Variants in TTC21B observed in about 807,000 individuals in gnomAD.
TTC21B encodes tetratricopeptide repeat domain 21B.
TTC21B carries 127 observed loss-of-function variants against 175.1 expected under a neutral mutation model. The ratio of observed to expected loss-of-function variants is 0.73; its 90% CI spans 0.63 to 0.84. The LOEUF (loss-of-function observed/expected upper bound fraction) is 0.84, where lower values mean the gene tolerates loss of function less well. Ranked by LOEUF, TTC21B falls within the 40% of genes least tolerant of loss-of-function variation. The pLI is 0.00. For synonymous variants in TTC21B, 524 were observed against 524.5 expected (o/e 1.00, Z 0.01); for missense variants, 1,561 against 1,558.3 (o/e 1.00, Z -0.03).
intron 12 of TTC21B, among the ~76,000 whole-genome samples, chr2:165,924,321 T>C (rs1686537555): frequency 1.3e-5 from 2 of 152,184 alleles, no homozygotes; most frequent in South Asian, 4.1e-4. Flanking sequence ...GTGGTATAAC[T>C]GCATTTTCCC....
At position 165,917,130 on chromosome 2, in the gene TTC21B, C is replaced by T. The variant is rs775058504; in HGVS notation, c.1899+127G>A. ...CTGACCTCAGATGATCCATCTGCCT[C>T]GGCCTCCCAAAGTGCTGGGATTACA... is the stretch of plus-strand genomic sequence containing the variant. On this transcript the variant is annotated intron_variant, in intron 14 of 28. Coordinates refer to ENST00000243344, the MANE Select transcript of TTC21B (RefSeq NM_024753.5). 2.7e-5 allele frequency: 23 copies of T among 838,124 alleles called. No homozygotes were observed. In the East Asian group the frequency reaches 3.5e-4, roughly 13 times the overall value. The allele number at this position is 838,124 out of a possible 1,614,324, so 51.9% of individuals were successfully genotyped here.
Position 165,941,105 on chromosome 2 carries a change from A to C in TTC21B, c.632T>G (p.Phe211Cys). Reference protein sequence around the residue: ...VNQIIVNFPSFLPAFVKKMKL... With the variant: ...VNQIIVNFPSCLPAFVKKMKL... ...CATTTTCTTAACAAAAGCAGGAAGG[A>C]AGCTCGGAAAATTCACGATTATCTG... is the stretch of plus-strand genomic sequence containing the variant. The change falls in exon 6 of 29, where the codon TTC becomes TGC. Residue 211 changes from phenylalanine (F) to cysteine (C), a missense_variant. Transcript: ENST00000243344. The C allele has an allele frequency of 1.2e-6, 2 of 1,613,954 alleles. No homozygotes were observed. The highest frequency in any genetic ancestry group is 1.1e-5 in the South Asian group (1 of 91,080).
chr2:165,913,575 T>C lies in TTC21B; in HGVS notation c.2210A>G (p.Glu737Gly). 1 of 1,608,806 alleles carries C rather than the reference T, an allele frequency of 6.2e-7. No individual in the cohort carries two copies. Among genetic ancestry groups the C allele is most frequent in the Non-Finnish European group, 8.5e-7 (1 of 1,175,570 alleles). ...GTTCAGTAACATCAGAAATTTTACC[T>C]CTAGAATATTCATGTATGCATCACC... ...LLGDAYMNIL[E>G]PEEAIVAYEQ... Residue 737 changes from glutamate (E) to glycine (G), a missense_variant and splice_region_variant, in exon 16 of 29, where the codon GAG becomes GGG. Physicochemically the swap from Glu to Gly is moderately conservative, Grantham distance 98. Transcript: ENST00000243344.
At chr2:165,931,293 T>C (rs1031182798) in intron 8 of TTC21B, among the ~76,000 whole-genome samples, 1 of 152,190 alleles carries the variant, frequency 6.6e-6, no homozygotes, top group African/African-American at 2.4e-5. Flanking sequence ...TGTATTTTTC[T>C]ATTTCATTCT....
At chr2:165,923,399 T>C (rs1574109975) in intron 12 of TTC21B, among the ~76,000 whole-genome samples, 1 of 152,144 alleles carries the variant, frequency 6.6e-6, no homozygotes, top group Admixed American at 6.5e-5. Flanking sequence ...TTTTATAGCA[T>C]TCAGTTGGCA....
intron 27 of TTC21B, chr2:165,880,008 G>C (rs537446956): frequency 3.3e-5 from 5 of 153,046 alleles, no homozygotes; most frequent in African/African-American, 1.2e-4. Context: ...CCGGAAAACA[G>C]ACTTGGGCAG....
chr2:165,949,506 T>G lies in TTC21B; in HGVS notation c.152-2A>C. ...CTCGAAGAGCTTCTTGAGTTTTACC[T>G]GAAAATCAAGATTATGATATGAAAA... On this transcript the variant is annotated splice_acceptor_variant, in intron 2 of 28. Coordinates refer to ENST00000243344, the MANE Select transcript of TTC21B (RefSeq NM_024753.5). LOFTEE classifies it high-confidence loss of function. 6.2e-7 allele frequency: 1 copy of G among 1,613,648 alleles called. No homozygotes were observed. Among genetic ancestry groups the G allele is most frequent in the South Asian group, 1.1e-5 (1 of 91,070 alleles).
chr2:165,881,711 T>C (rs749410641), intron 26 of TTC21B, among the ~76,000 whole-genome samples: 74 of 152,168 alleles, frequency 4.9e-4, no homozygotes, highest in Non-Finnish European at 8.4e-4. Context: ...AGTGCTATGA[T>C]AAGCCACACT....
chr2:165,896,310 C>T (rs1375506964), intron 22 of TTC21B, among the ~76,000 whole-genome samples: 2 of 152,098 alleles, frequency 1.3e-5, no homozygotes, highest in African/African-American at 4.8e-5. Context: ...CTCCCTCCAT[C>T]CCTGCTTCCC....
chr2:165,899,770 C>T lies in TTC21B; in HGVS notation c.2868G>A (p.Met956Ile). The T allele has an allele frequency of 6.2e-7, 1 of 1,605,594 alleles. No homozygotes were observed. Among genetic ancestry groups the T allele is most frequent in the Admixed American group, 1.7e-5 (1 of 59,988 alleles). Residue 956 changes from methionine to isoleucine, a missense_variant and splice_region_variant, in exon 21 of 29, where the codon ATG (methionine) becomes ATA (isoleucine). Met to Ile is a conservative substitution (Grantham distance 10, BLOSUM62 1). Transcript: ENST00000243344. Reference protein sequence around the residue: ...QSDQDNEAATMMMADLMFRKQ... With the variant: ...QSDQDNEAATIMMADLMFRKQ... ...TTGTACTGAAGTTCCTTGGACTGACCATGGTAGCAGCTTCGTTATCCTGGT... is the reference window on the plus strand; with the variant it reads ...TTGTACTGAAGTTCCTTGGACTGACTATGGTAGCAGCTTCGTTATCCTGGT...
At chr2:165,899,945 G>T (rs1311554438) in intron 20 of TTC21B, 65 bp from the exon 21 acceptor site, 3 of 937,418 alleles carry the variant, frequency 3.2e-6, no homozygotes, top group East Asian at 3.2e-5. Context: ...AGGAAAATAC[G>T]TGGGTACAGA....
chr2:165,915,212 G>A lies in TTC21B; in HGVS notation c.2127C>T (p.Ile709=). Reference sequence around the variant, plus strand: ...AGACAATTACTTACCTAAAACAAGTGATATATAACATTTTATCTTTTCTGT... The same window carrying A: ...AGACAATTACTTACCTAAAACAAGTAATATATAACATTTTATCTTTTCTGT... ...LKHRKDKMLY[I]TCFREIAERM... Residue 709 remains isoleucine (I), a synonymous_variant, in exon 15 of 29, where the codon ATC becomes ATT. Transcript: ENST00000243344. 1 of 1,610,358 alleles carries A rather than the reference G, an allele frequency of 6.2e-7. No homozygotes were observed. Among genetic ancestry groups the A allele is most frequent in the African/African-American group, 1.3e-5 (1 of 74,966 alleles).
At chr2:165,951,457 AAT>A (rs1002109111) in intron 1 of TTC21B, among the ~76,000 whole-genome samples, 13 of 152,206 alleles carry the variant, frequency 8.5e-5, no homozygotes, top group African/African-American at 3.1e-4. Context: ...ATAAAAAAAA[AAT>A]GTGTCCTGCG....
chr2:165,877,523 T>C (rs4667499), intron 27 of TTC21B, among the ~76,000 whole-genome samples: 6,726 of 152,246 alleles, frequency 0.044, 329 homozygotes, highest in Admixed American at 0.11. Context: ...TACAGGTATG[T>C]AGCCTAGGAG....
At chr2:165,953,480 G>C (rs1024644342) in intron 1 of TTC21B, among the ~76,000 whole-genome samples, 4 of 152,218 alleles carry the variant, frequency 2.6e-5, no homozygotes, top group Non-Finnish European at 2.9e-5. Context: ...GGGCTGCCCA[G>C]ACCTGGGCTT....
intron 3 of TTC21B, chr2:165,947,260 G>A (rs1200777436): frequency 7.1e-6 from 1 of 139,868 alleles, no homozygotes; most frequent in African/African-American, 2.8e-5. Context: ...ATCAGAATCA[G>A]CCATGCAATG....
intron 22 of TTC21B, among the ~76,000 whole-genome samples, chr2:165,892,900 T>C (rs962398148): frequency 2.6e-5 from 4 of 152,144 alleles, no homozygotes; most frequent in African/African-American, 7.2e-5. Context: ...CAATACAAAA[T>C]ATTCTTTAAA....
chr2:165,949,729 A>G lies in TTC21B; in HGVS notation c.22-5T>C. 6.2e-7 allele frequency: 1 copy of G among 1,608,070 alleles called. No individual in the cohort carries two copies. Among genetic ancestry groups the G allele is most frequent in the Non-Finnish European group, 8.5e-7 (1 of 1,175,224 alleles). On this transcript the variant is annotated splice_polypyrimidine_tract_variant and splice_region_variant and intron_variant, in intron 1 of 28. Coordinates refer to ENST00000243344, the MANE Select transcript of TTC21B (RefSeq NM_024753.5). Reference sequence around the variant, plus strand: ...ACAATAGTAATTAATCAAAGTCTAAATGGAAATAATGAAAAAATGTTATAA... The same window carrying G: ...ACAATAGTAATTAATCAAAGTCTAAGTGGAAATAATGAAAAAATGTTATAA...
chr2:165,949,843 C>A, intron 1 of TTC21B, 119 bp from the exon 2 acceptor site: 1 of 997,960 alleles, frequency 1.0e-6, no homozygotes. Context: ...TGACTTTTTT[C>A]TTCCAAGTTT....
Sources: allele counts gnomAD v4.1 joint callset (sites outside exome capture counted in the v4.1 genomes callset), GRCh38; gene constraint gnomAD v4.1.1; transcripts MANE v1.5; gene names NCBI Gene and HGNC (gene_info 2026-07-23, HGNC 2026-07-21).